Variants in CNTN4 observed in about 807,000 individuals in gnomAD.
CNTN4 encodes contactin 4.
A neutral mutation model predicts 122.5 loss-of-function variants in CNTN4; 77 were observed. The ratio of observed to expected loss-of-function variants is 0.63; its 90% confidence interval spans 0.52 to 0.76. The LOEUF (loss-of-function observed/expected upper bound fraction) is 0.76, where lower values mean the gene tolerates loss of function less well. Among genes scored for constraint, CNTN4 ranks in the 30% least tolerant of loss-of-function variants. The probability of loss-of-function intolerance (pLI) is 0.00; values close to 1 mark genes in which losing one functional copy is unlikely to be tolerated. For missense variants in CNTN4, 1,256 were observed against 1,259.1 expected (o/e 1.00, Z 0.04); for synonymous variants, 512 against 447.0 (o/e 1.15, Z -1.83).
rs535211428 is a variant in CNTN4, at chr3:2,365,020, G to A, written c.-89+25787G>A. 1.1e-4 allele frequency among the ~76,000 whole-genome samples: 16 copies of A among 152,196 alleles called. No homozygotes were observed. The East Asian group carries it at 1.7e-3, about 17-fold the overall frequency. ...GTTACAATACAATACTTGATATTTCGTGTGTATTTCACCTGGTAACTTAAG... is the reference window on the plus strand; with the variant it reads ...GTTACAATACAATACTTGATATTTCATGTGTATTTCACCTGGTAACTTAAG... On this transcript the variant is annotated intron_variant, in intron 3 of 24. Transcript: ENST00000418658.
intron 2 of CNTN4, among the ~76,000 whole-genome samples, chr3:2,232,622 TAG>T (rs1457669863): frequency 1.6e-4 from 24 of 152,272 alleles, no homozygotes; most frequent in African/African-American, 5.5e-4. Flanking sequence ...AATAACTCCA[TAG>T]AGTTTGTACT....
chr3:2,329,739 T>C (rs1234771352), intron 2 of CNTN4, among the ~76,000 whole-genome samples: 1 of 152,038 alleles, frequency 6.6e-6, no homozygotes, highest in Non-Finnish European at 1.5e-5. Flanking sequence ...TGAGGCATTT[T>C]TTTTTATTAA....
At chr3:2,734,060 G>GTTGTT (rs560714033) in intron 4 of CNTN4, among the ~76,000 whole-genome samples, 252 of 152,036 alleles carry the variant, frequency 1.7e-3, no homozygotes, top group Non-Finnish European at 2.6e-3. Flanking sequence ...TTTGTTTTTT[G>GTTGTT]TTGTTTTGTT....
chr3:3,031,179 A>G (rs1699129975), intron 16 of CNTN4, among the ~76,000 whole-genome samples: 1 of 152,232 alleles, frequency 6.6e-6, no homozygotes, highest in Non-Finnish European at 1.5e-5. Flanking sequence ...TGCACCGAAC[A>G]CATCCAGTAA....
At chr3:2,445,146 A>G (rs907112259) in intron 3 of CNTN4, among the ~76,000 whole-genome samples, 2 of 152,202 alleles carry the variant, frequency 1.3e-5, no homozygotes, top group Non-Finnish European at 2.9e-5. Context: ...CAGATTCTGC[A>G]GCACAGAGGT....
At chr3:2,103,732 T>TTATC (rs911384930) in intron 2 of CNTN4, among the ~76,000 whole-genome samples, 66 of 152,094 alleles carry the variant, frequency 4.3e-4, no homozygotes, top group African/African-American at 1.5e-3. Context: ...ATCTATTTAT[T>TTATC]TATCTTTATT....
At chr3:2,180,271 T>G (rs2036955811) in intron 2 of CNTN4, among the ~76,000 whole-genome samples, 1 of 152,012 alleles carries the variant, frequency 6.6e-6, no homozygotes. Context: ...CTTTACTAGG[T>G]CATGTAGGAT....
intron 4 of CNTN4, among the ~76,000 whole-genome samples, chr3:2,587,130 C>T (rs1011384270): frequency 8.6e-5 from 13 of 151,950 alleles, no homozygotes; most frequent in African/African-American, 3.1e-4. Flanking sequence ...GAATGTATTC[C>T]ATATACATTA....
At chr3:2,447,032 T>C (rs2151324442) in intron 3 of CNTN4, among the ~76,000 whole-genome samples, 1 of 152,330 alleles carries the variant, frequency 6.6e-6, no homozygotes, top group Non-Finnish European at 1.5e-5. Context: ...TCATATTTTA[T>C]CTTTCAATTT....
In CNTN4 at chr3:2,575,983, T is replaced by C. The variant is rs148170453; in HGVS notation, c.55+4425T>C. ...CCAAGTAGCTGGGACTACAGGCACA[T>C]GCCACCATGCCTGGCTAATTTTTTT... On this transcript the variant is annotated intron_variant, in intron 4 of 24. Coordinates refer to ENST00000418658, the MANE Select transcript of CNTN4 (RefSeq NM_175607.3). Among the ~76,000 whole-genome samples the C allele has an allele frequency of 3.2e-3, 480 of 151,842 alleles. 1 individual carries two copies. Among genetic ancestry groups the C allele is most frequent in the East Asian group, 0.024 (123 of 5,118 alleles).
At chr3:2,584,916 G>GATA (rs1440968451) in intron 4 of CNTN4, among the ~76,000 whole-genome samples, 1,695 of 151,674 alleles carry the variant, frequency 0.011, 22 homozygotes, top group African/African-American at 0.039. Context: ...TAGGTAGGTA[G>GATA]GTAGATAGAT....
chr3:2,812,614 C>T (rs2092640380), intron 6 of CNTN4, among the ~76,000 whole-genome samples: 1 of 151,760 alleles, frequency 6.6e-6, no homozygotes, highest in Admixed American at 6.6e-5. Flanking sequence ...CTTGGCCACT[C>T]TAATGTTACT....
At chr3:2,222,582 G>A (rs991544769) in intron 2 of CNTN4, among the ~76,000 whole-genome samples, 2 of 151,506 alleles carry the variant, frequency 1.3e-5, no homozygotes, top group African/African-American at 4.9e-5. Flanking sequence ...ATACTTTGAA[G>A]GAGTGAATTT....
chr3:2,312,877 T>C (rs1371316108), intron 2 of CNTN4, among the ~76,000 whole-genome samples: 2 of 152,002 alleles, frequency 1.3e-5, no homozygotes, highest in Non-Finnish European at 2.9e-5. Context: ...TGTTCGTTGC[T>C]ATGATAGGAA....
intron 4 of CNTN4, among the ~76,000 whole-genome samples, chr3:2,576,683 G>A (rs74809153): frequency 1.3e-5 from 2 of 152,004 alleles, no homozygotes; most frequent in East Asian, 1.9e-4. Context: ...GAGGATCTGG[G>A]ATTACAGGTG....
At chr3:2,923,981 T>C (rs548984828) in intron 12 of CNTN4, among the ~76,000 whole-genome samples, 1 of 152,252 alleles carries the variant, frequency 6.6e-6, no homozygotes, top group South Asian at 2.1e-4. Flanking sequence ...TGCACTCTAC[T>C]TATTAATTGC....
chr3:2,153,740 C>T (rs183582448), intron 2 of CNTN4, among the ~76,000 whole-genome samples: 5 of 152,066 alleles, frequency 3.3e-5, no homozygotes, highest in East Asian at 3.9e-4. Flanking sequence ...TAGAGAATGG[C>T]GTGGGGTGAA....
At position 2,452,576 on chromosome 3, in the gene CNTN4, A is replaced by G. The variant is rs886150809; in HGVS notation, c.-89+113343A>G. Among the ~76,000 whole-genome samples, 16 of 152,174 alleles carry G rather than the reference A, an allele frequency of 1.1e-4. 1 individual carries two copies. Among genetic ancestry groups the G allele is most frequent in the Admixed American group, 3.9e-4 (6 of 15,270 alleles). On this transcript the variant is annotated intron_variant, in intron 3 of 24. Transcript: ENST00000418658. Reference sequence around the variant, plus strand: ...GCCATAACATTAGGTGGAGGAGGGCATGCGCACGGTTCCTGAAACTTAAAT... The same window carrying G: ...GCCATAACATTAGGTGGAGGAGGGCGTGCGCACGGTTCCTGAAACTTAAAT...
At chr3:2,530,497 C>T (rs2077558450) in intron 3 of CNTN4, among the ~76,000 whole-genome samples, 1 of 151,664 alleles carries the variant, frequency 6.6e-6, no homozygotes, top group Admixed American at 6.6e-5. Context: ...TTAGTAGAGA[C>T]AGGGGTTTCA....
Sources: gnomAD v4.1 joint callset for allele counts (sites outside exome capture counted in the v4.1 genomes callset) on GRCh38, gnomAD v4.1.1 for gene constraint, MANE v1.5 for transcripts, NCBI Gene and HGNC (gene_info 2026-07-23, HGNC 2026-07-21) for gene names.